NPSR1: variants seen among roughly 807,000 people sequenced by gnomAD.
The protein encoded by NPSR1 is neuropeptide S receptor 1, also known as neuropeptide S receptor.
Under a neutral mutation model 46.9 loss-of-function variants are expected in NPSR1, and 48 were observed. That is an observed-to-expected ratio of 1.02 (90% CI 0.81 to 1.30). The LOEUF (loss-of-function observed/expected upper bound fraction) is 1.30, where lower values mean the gene tolerates loss of function less well. NPSR1 is among the 50% of genes most tolerant of loss of function. NPSR1 has a pLI of 0.00. For synonymous variants in NPSR1, 176 were observed against 168.1 expected, an observed-to-expected ratio of 1.05 and a Z score of -0.36; for missense variants, 450 against 449.5, an observed-to-expected ratio of 1.00 and a Z score of -0.01.
intron 2 of NPSR1, among the ~76,000 whole-genome samples, chr7:34,736,660 G>A (rs1186926118): frequency 1.3e-5 from 2 of 152,058 alleles, no homozygotes; most frequent in Non-Finnish European, 2.9e-5. Context: ...GAATGCAGTG[G>A]TGCCATCATA....
chr7:34,791,289 A>T (rs1055439862), intron 3 of NPSR1, among the ~76,000 whole-genome samples: 5 of 141,406 alleles, frequency 3.5e-5, no homozygotes, highest in African/African-American at 1.3e-4. Flanking sequence ...TAATATAGAT[A>T]ATATATAAAA....
At chr7:34,660,862 G>C (rs897817078) in intron 1 of NPSR1, among the ~76,000 whole-genome samples, 2 of 151,896 alleles carry the variant, frequency 1.3e-5, no homozygotes, top group Non-Finnish European at 2.9e-5. Context: ...ATCCCTCCCT[G>C]ACTCATCCCT....
intron 8 of NPSR1, among the ~76,000 whole-genome samples, chr7:34,866,293 A>G (rs1791313383): frequency 6.6e-6 from 1 of 151,794 alleles, no homozygotes. Flanking sequence ...GAGATAAGTC[A>G]CAATGAACCA....
intron 2 of NPSR1, among the ~76,000 whole-genome samples, chr7:34,730,293 A>G (rs1428829242): frequency 2.6e-5 from 4 of 152,220 alleles, no homozygotes; most frequent in Admixed American, 2.0e-4. Context: ...TCTCCAGCAC[A>G]TTGATGTTCC....
intron 2 of NPSR1, among the ~76,000 whole-genome samples, chr7:34,770,159 A>G (rs1049569418): frequency 6.6e-6 from 1 of 152,226 alleles, no homozygotes; most frequent in Non-Finnish European, 1.5e-5. Flanking sequence ...CTAGAGAAAC[A>G]AAATAATCTT....
chr7:34,804,664 G>A (rs564411892), intron 3 of NPSR1, among the ~76,000 whole-genome samples: 2 of 111,982 alleles, frequency 1.8e-5, no homozygotes, highest in African/African-American at 2.6e-5. Context: ...TGAACTAGAT[G>A]TCTTAGATAA....
In NPSR1 at chr7:34,849,254, G is replaced by A. The variant is rs535774634; in HGVS notation, c.1026-311G>A. ...GTTTATATCTTGCCATTGTTTATTCGTAGCGATGTGTGACCTTGGGCAAGT... is the reference window on the plus strand; with the variant it reads ...GTTTATATCTTGCCATTGTTTATTCATAGCGATGTGTGACCTTGGGCAAGT... On this transcript the variant is annotated intron_variant, in intron 8 of 8. Coordinates refer to ENST00000360581, the MANE Select transcript of NPSR1 (RefSeq NM_207172.2). The A allele has an allele frequency of 4.6e-4, 459 of 1,000,358 alleles. 1 individual carries two copies. The East Asian group carries it at 0.011, about 24-fold the overall frequency. The allele number at this position is 1,000,358 out of a possible 1,614,324, so 62.0% of individuals were successfully genotyped here.
chr7:34,739,329 A>G (rs1784827147), intron 2 of NPSR1, among the ~76,000 whole-genome samples: 1 of 152,240 alleles, frequency 6.6e-6, no homozygotes, highest in South Asian at 2.1e-4. Flanking sequence ...GTTTTCTACA[A>G]TGACTGCATC....
intron 2 of NPSR1, among the ~76,000 whole-genome samples, chr7:34,753,884 T>A (rs1320978788): frequency 6.6e-6 from 1 of 151,992 alleles, no homozygotes; most frequent in African/African-American, 2.4e-5. Flanking sequence ...CTAAATGAAT[T>A]TTAAAAAGAA....
rs114775765 is a variant in NPSR1, at chr7:34,811,785, G to A, written c.400G>A (p.Ala134Thr). ...VRYLQVVLLY[A>T]STYVLVSLSI... ...CTGTCTTTAGGTTGTGCTGCTCTAC[G>A]CCTCTACCTACGTCCTGGTGTCCCT... is the stretch of plus-strand genomic sequence containing the variant. Residue 134 changes from alanine to threonine, a missense_variant, in exon 4 of 9, where the codon GCC becomes ACC. By Grantham distance (58) the Ala-to-Thr change is moderately conservative. Transcript: ENST00000360581. 3.2e-5 allele frequency: 51 copies of A among 1,611,604 alleles called. No homozygotes were observed. Among genetic ancestry groups the A allele is most frequent in the East Asian group, 1.6e-4 (7 of 44,808 alleles).
At chr7:34,703,888 C>T (rs1793973194) in intron 2 of NPSR1, 2 of 126,172 alleles carry the variant, frequency 1.6e-5, no homozygotes, top group South Asian at 2.2e-4. Context: ...GAGTAACTCC[C>T]GATGAGTGTT....
intron 3 of NPSR1, among the ~76,000 whole-genome samples, chr7:34,784,027 G>GA (rs372799406): frequency 1.3e-3 from 198 of 146,950 alleles, no homozygotes; most frequent in African/African-American, 3.5e-3. Context: ...CAAGCTAAAG[G>GA]AAAAAAAAAA....
intron 5 of NPSR1, among the ~76,000 whole-genome samples, chr7:34,832,617 T>G (rs1790172036): frequency 6.6e-6 from 1 of 152,204 alleles, no homozygotes; most frequent in Admixed American, 6.5e-5. Context: ...AGTTATTAGG[T>G]GTTCGCCATG....
At chr7:34,671,315 G>A (rs1198674730) in intron 1 of NPSR1, among the ~76,000 whole-genome samples, 2 of 152,126 alleles carry the variant, frequency 1.3e-5, no homozygotes, top group Admixed American at 6.5e-5. Flanking sequence ...TTATCTTTGT[G>A]TAAAAGCTTA....
intron 5 of NPSR1, among the ~76,000 whole-genome samples, chr7:34,831,135 T>C (rs1790098818): frequency 6.6e-6 from 1 of 152,176 alleles, no homozygotes; most frequent in South Asian, 2.1e-4. Context: ...ATCTCATGAG[T>C]GCAGGGACTG....
intron 3 of NPSR1, among the ~76,000 whole-genome samples, chr7:34,804,693 G>A (rs890802583): frequency 6.6e-6 from 1 of 151,840 alleles, no homozygotes; most frequent in Admixed American, 6.6e-5. Context: ...GACAAGAAAA[G>A]TAAATAAAAA....
At chr7:34,661,718 G>A (rs1371436372) in intron 1 of NPSR1, among the ~76,000 whole-genome samples, 2 of 152,192 alleles carry the variant, frequency 1.3e-5, no homozygotes, top group African/African-American at 2.4e-5. Flanking sequence ...TGGGCCTTGT[G>A]TAACTAACCC....
intron 3 of NPSR1, among the ~76,000 whole-genome samples, chr7:34,791,559 T>C (rs1787883960): frequency 6.6e-6 from 1 of 151,730 alleles, no homozygotes; most frequent in Non-Finnish European, 1.5e-5. Context: ...GAAATTAAAC[T>C]AGGCAAAAAT....
chr7:34,776,049 T>C (rs1428937007), intron 2 of NPSR1, among the ~76,000 whole-genome samples: 2 of 152,122 alleles, frequency 1.3e-5, no homozygotes. Context: ...AAAATTCCTC[T>C]TGTTATTGAT....
Sources: gnomAD v4.1 joint callset for allele counts (sites outside exome capture counted in the v4.1 genomes callset) on GRCh38, gnomAD v4.1.1 for gene constraint, MANE v1.5 for transcripts, NCBI Gene and HGNC (gene_info 2026-07-23, HGNC 2026-07-21) for gene names.